The following SLIT2 variants were observed in gnomAD, a reference collection of about 807,000 sequenced individuals.
SLIT2 encodes slit guidance ligand 2, also known as slit homolog 2 protein.
In SLIT2, 41 loss-of-function variants were observed where a neutral mutation model predicts 185.7. That is an observed-to-expected ratio of 0.22 (90% CI 0.17 to 0.29). The LOEUF (loss-of-function observed/expected upper bound fraction) is 0.29. SLIT2 is among the 10% of genes least tolerant of loss of function. The pLI, the probability that SLIT2 is intolerant of heterozygous loss-of-function variation, is 1.00. For synonymous variants in SLIT2, 693 were observed against 680.2 expected, an observed-to-expected ratio of 1.02 and a Z score of -0.29; for missense variants, 1,571 against 1,909.0, an observed-to-expected ratio of 0.82 and a Z score of 3.30.
intron 4 of SLIT2, among the ~76,000 whole-genome samples, chr4:20,448,570 C>G (rs933194170): frequency 3.9e-5 from 6 of 152,166 alleles, no homozygotes; most frequent in Non-Finnish European, 8.8e-5. Flanking sequence ...ATCCACCCAC[C>G]TCAGCCTCCC....
chr4:20,314,830 T>G (rs2109144470), intron 4 of SLIT2, among the ~76,000 whole-genome samples: 1 of 152,098 alleles, frequency 6.6e-6, no homozygotes, highest in African/African-American at 2.4e-5. Flanking sequence ...TTACTAGTAA[T>G]TAGGGAAATA....
chr4:20,509,842 A>G (rs1265842341), intron 9 of SLIT2, among the ~76,000 whole-genome samples: 1 of 152,184 alleles, frequency 6.6e-6, no homozygotes, highest in Non-Finnish European at 1.5e-5. Context: ...GTATACCATA[A>G]AAATACTTCA....
intron 6 of SLIT2, among the ~76,000 whole-genome samples, chr4:20,481,594 T>C (rs937560907): frequency 2.0e-5 from 3 of 152,134 alleles, no homozygotes; most frequent in Admixed American, 6.6e-5. Context: ...TGAGAAAATT[T>C]AGTCAGAAAT....
intron 4 of SLIT2, among the ~76,000 whole-genome samples, chr4:20,285,987 T>A (rs74768387): frequency 2.0e-5 from 3 of 152,222 alleles, no homozygotes; most frequent in Non-Finnish European, 2.9e-5. Flanking sequence ...AAGTGCCTTA[T>A]TTATATTAAT....
intron 29 of SLIT2, among the ~76,000 whole-genome samples, chr4:20,575,859 G>C (rs924709094): frequency 6.6e-6 from 1 of 151,866 alleles, no homozygotes; most frequent in Non-Finnish European, 1.5e-5. Context: ...CCGAGAACTA[G>C]GCTACCTTTT....
At chr4:20,590,455 C>T (rs1395108354) in intron 30 of SLIT2, among the ~76,000 whole-genome samples, 1 of 152,144 alleles carries the variant, frequency 6.6e-6, no homozygotes, top group Admixed American at 6.5e-5. Flanking sequence ...AATGATTGGA[C>T]TATCCAAGGT....
chr4:20,396,934 A>G (rs1352615737), intron 4 of SLIT2, among the ~76,000 whole-genome samples: 1 of 150,476 alleles, frequency 6.6e-6, no homozygotes, highest in Non-Finnish European at 1.5e-5. Context: ...AATTTTACTC[A>G]TGGTAAATAT....
intron 11 of SLIT2, among the ~76,000 whole-genome samples, chr4:20,511,822 G>A (rs1719784744): frequency 6.6e-6 from 1 of 151,382 alleles, no homozygotes; most frequent in Non-Finnish European, 1.5e-5. Flanking sequence ...GAAATGCTAG[G>A]CAAAATCTTG....
chr4:20,313,769 A>G (rs1560308383), intron 4 of SLIT2, among the ~76,000 whole-genome samples: 1 of 151,922 alleles, frequency 6.6e-6, no homozygotes, highest in Non-Finnish European at 1.5e-5. Flanking sequence ...ACAGTTGGCA[A>G]AAGGGTTTGT....
chr4:20,419,386 A>T (rs1727975285), intron 4 of SLIT2, among the ~76,000 whole-genome samples: 1 of 152,180 alleles, frequency 6.6e-6, no homozygotes, highest in Non-Finnish European at 1.5e-5. Context: ...TTAATGATTT[A>T]CTTACTACTC....
chr4:20,547,929 CA>C (rs1723399526), intron 22 of SLIT2, among the ~76,000 whole-genome samples: 1 of 151,976 alleles, frequency 6.6e-6, no homozygotes, highest in Non-Finnish European at 1.5e-5. Context: ...ATGACTCAGC[CA>C]GGGGCAGGAG....
intron 9 of SLIT2, among the ~76,000 whole-genome samples, chr4:20,504,309 T>C (rs1484439815): frequency 6.6e-6 from 1 of 152,138 alleles, no homozygotes; most frequent in Non-Finnish European, 1.5e-5. Flanking sequence ...AAGACTATGC[T>C]CTATTCTGTG....
chr4:20,426,652 G>A (rs1728578415), intron 4 of SLIT2, among the ~76,000 whole-genome samples: 1 of 151,730 alleles, frequency 6.6e-6, no homozygotes, highest in Non-Finnish European at 1.5e-5. Context: ...GAAAAAGAAG[G>A]AGAACCTTAA....
intron 12 of SLIT2, among the ~76,000 whole-genome samples, chr4:20,523,198 CAGG>C (rs1436158457): frequency 6.6e-6 from 1 of 152,052 alleles, no homozygotes; most frequent in Non-Finnish European, 1.5e-5. Context: ...CTCAAACAGC[CAGG>C]AGGAGAGAAC....
intron 11 of SLIT2, among the ~76,000 whole-genome samples, chr4:20,518,573 A>G (rs1560494980): frequency 0.039 from 763 of 19,530 alleles, 73 homozygotes; most frequent in South Asian, 0.15. Flanking sequence ...ATATATATAT[A>G]TATATATATA....
chr4:20,592,827 G>A (rs1026341230), intron 30 of SLIT2, among the ~76,000 whole-genome samples: 1 of 152,002 alleles, frequency 6.6e-6, no homozygotes. Context: ...TGTTTACTTT[G>A]CTTTGCTATG....
intron 4 of SLIT2, among the ~76,000 whole-genome samples, chr4:20,460,651 G>T (rs1041200588): frequency 6.6e-6 from 1 of 152,092 alleles, no homozygotes; most frequent in Admixed American, 6.5e-5. Flanking sequence ...TGCCCCAGCC[G>T]CTGGTAGGCA....
chr4:20,494,619 T>C (rs1010756720), intron 9 of SLIT2, among the ~76,000 whole-genome samples: 1 of 151,612 alleles, frequency 6.6e-6, no homozygotes, highest in Non-Finnish European at 1.5e-5. Flanking sequence ...TACTAAAAAA[T>C]ACAACAAAAA....
In SLIT2 at chr4:20,268,805, A is replaced by G. The variant is rs1298402409; in HGVS notation, c.324-5A>G. On this transcript the variant is annotated splice_polypyrimidine_tract_variant and splice_region_variant and intron_variant, in intron 3 of 36. Coordinates refer to ENST00000504154, the MANE Select transcript of SLIT2 (RefSeq NM_004787.4). ...ACATAAGCTTTGTTTTTGTTTTCTC[A>G]AAAGGCGTTTAAACAGAAATCACCT... The G allele has an allele frequency of 1.2e-6, 2 of 1,606,188 alleles. No homozygotes were observed. Among genetic ancestry groups the G allele is most frequent in the East Asian group, 2.2e-5 (1 of 44,782 alleles).
Sources: gnomAD v4.1 joint callset for allele counts (sites outside exome capture counted in the v4.1 genomes callset) on GRCh38, gnomAD v4.1.1 for gene constraint, MANE v1.5 for transcripts, NCBI Gene and HGNC (gene_info 2026-07-23, HGNC 2026-07-21) for gene names.